The following MROH2A variants were observed in gnomAD, a reference collection of about 807,000 sequenced individuals.
MROH2A encodes maestro heat-like repeat-containing protein family member 2A.
A neutral mutation model predicts 200.4 loss-of-function variants in MROH2A; 174 were observed. The ratio of observed to expected loss-of-function variants is 0.87; its 90% CI spans 0.77 to 0.98. MROH2A has a LOEUF of 0.98. MROH2A is among the 50% of genes least tolerant of loss of function. The pLI, the probability that MROH2A is intolerant of heterozygous loss-of-function variation, is 0.00. For missense variants in MROH2A, 2,045 were observed against 2,139.6 expected (o/e 0.96, Z 0.87); for synonymous variants, 829 against 840.4 (o/e 0.99, Z 0.23).
At chr2:233,811,010 C>A in intron 23 of MROH2A, 94 bp downstream of exon 23, 2 of 1,397,060 alleles carry the variant, frequency 1.4e-6, no homozygotes, top group Non-Finnish European at 1.9e-6. Flanking sequence ...AGGGCATCTG[C>A]AGAGCTCTCT....
At chr2:233,832,480 T>C in intron 40 of MROH2A, 99 bp from the exon 41 acceptor site, 3 of 1,082,078 alleles carry the variant, frequency 2.8e-6, no homozygotes, top group South Asian at 1.4e-5. Flanking sequence ...ACAAAATCTT[T>C]CATCAATGCT....
chr2:233,777,276 C>CAAA (rs1700738243), upstream of MROH2A, among the ~76,000 whole-genome samples: 2 of 152,214 alleles, frequency 1.3e-5, no homozygotes, highest in Non-Finnish European at 2.9e-5. Context: ...ACCCTATATC[C>CAAA]ACTGCAGCAT....
In MROH2A at chr2:233,779,390, C is replaced by A. The variant is rs6431631; in HGVS notation, c.32C>A (p.Ala11Asp). 0.8 allele frequency: 1,234,698 copies of A among 1,547,914 alleles called. 493,683 individuals carry two copies. Among genetic ancestry groups the A allele is most frequent in the East Asian group, 0.89 (36,315 of 40,910 alleles). Residue 11 changes from alanine (A) to aspartate (D), a missense_variant, in exon 2 of 42, where the codon GCC becomes GAC. Around this residue, in one of 3 missense-constraint regions of MROH2A, gnomAD observed 831 missense variants for 800.0 expected, o/e 1.04. Transcript: ENST00000389758. Reference protein sequence around the residue: MTEAITEAAVASSEEVSEERD... With the variant: MTEAITEAAVDSSEEVSEERD... ...GAAGCCATTACAGAAGCAGCAGTAG[C>A]CTCAAGTGAGGAGGTGTCAGAGGAA...
At chr2:233,792,309 A>T (rs1575923871) in intron 5 of MROH2A, among the ~76,000 whole-genome samples, 2 of 143,948 alleles carry the variant, frequency 1.4e-5, no homozygotes, top group African/African-American at 2.6e-5. Flanking sequence ...ACCTGCTTCT[A>T]GCTCACTTTT....
intron 19 of MROH2A, among the ~76,000 whole-genome samples, chr2:233,805,536 T>G (rs886174320): frequency 6.6e-6 from 1 of 152,236 alleles, no homozygotes; most frequent in Non-Finnish European, 1.5e-5. Context: ...CTAGTTCTTT[T>G]TTTTGATCCT....
At position 233,807,914 on chromosome 2, in the gene MROH2A, A is replaced by G. The variant is rs1290981603; in HGVS notation, c.2295+59A>G. The stretch of plus-strand genomic sequence containing the variant: ...GATCTCTTAGCACAGTGCTCTGGGC[A>G]CTGACACAAAGTCCTTTCTAGATCT... On this transcript the variant is annotated intron_variant, in intron 21 of 41. Coordinates refer to ENST00000389758, the MANE Select transcript of MROH2A (RefSeq NM_001394639.1). This position sits in a 1 kb window ranked among gnomAD's most constrained non-coding sequence, Gnocchi z 4.3. 1.5e-5 allele frequency: 23 copies of G among 1,547,064 alleles called. No homozygotes were observed. Among genetic ancestry groups the G allele is most frequent in the Non-Finnish European group, 1.9e-5 (22 of 1,144,374 alleles).
intron 5 of MROH2A, among the ~76,000 whole-genome samples, chr2:233,791,468 G>T (rs1287673660): frequency 1.3e-5 from 2 of 152,210 alleles, no homozygotes; most frequent in Admixed American, 6.5e-5. Context: ...CATGCTGTGT[G>T]TGGAGCTCAT....
chr2:233,810,466 C>T (rs2126145022), intron 22 of MROH2A, among the ~76,000 whole-genome samples: 1 of 152,336 alleles, frequency 6.6e-6, no homozygotes, highest in South Asian at 2.1e-4. Flanking sequence ...TCAATTACCA[C>T]CCGCTGGGTC....
chr2:233,810,705 G>C lies in MROH2A; in HGVS notation c.2449-89G>C, dbSNP rs554389475. 254 of 1,487,574 alleles carry C rather than the reference G, an allele frequency of 1.7e-4. 1 individual carries two copies. In the African/African-American group the frequency reaches 3.1e-3, roughly 18 times the overall value. 92.1% of individuals were successfully genotyped at this position (1,487,574 alleles called of 1,614,324 possible). A position where few individuals can be genotyped will look rare whatever the true frequency, so the allele number is the denominator to read the frequency against. ...AACATTAAACGCTTTCTTCAGAGCAGAGGGAGTCCAGGAGCAGAAGCTGCA... is the reference window on the plus strand; with the variant it reads ...AACATTAAACGCTTTCTTCAGAGCACAGGGAGTCCAGGAGCAGAAGCTGCA... On this transcript the variant is annotated intron_variant, in intron 22 of 41. Transcript: ENST00000389758.
At chr2:233,819,242 G>C (rs1575997265) in intron 29 of MROH2A, 75 bp from the exon 30 acceptor site, 1 of 1,421,500 alleles carries the variant, frequency 7.0e-7, no homozygotes, top group East Asian at 2.5e-5. Flanking sequence ...CCATGGGGTG[G>C]GACAGGGGAG....
rs1235837861 is a variant in MROH2A at position 233,832,612 on chromosome 2, T to G, written c.4871T>G (p.Leu1624Arg). The change falls in exon 41 of 42, where the codon CTG becomes CGG. Residue 1624 changes from leucine (L) to arginine (R), a missense_variant. By Grantham distance (102) the Leu-to-Arg change is moderately radical. This residue lies in a region of MROH2A where 1,201 missense variants were observed against 1,311.3 expected (regional missense o/e 0.92). Transcript: ENST00000389758. ...ATGAAGCAGATGTCTACACATTATCTGAAAAAGCTGGACTTCCCAGCATTA... is the reference window on the plus strand; with the variant it reads ...ATGAAGCAGATGTCTACACATTATCGGAAAAAGCTGGACTTCCCAGCATTA... ...IIMKQMSTHY[L>R]KKLDFPALRN... is the part of the protein sequence containing the mutation. The G allele has an allele frequency of 1.4e-5, 22 of 1,549,920 alleles. No homozygotes were observed. The highest frequency in any genetic ancestry group is 1.8e-5 in the Non-Finnish European group (21 of 1,146,458).
chr2:233,816,934 GA>G, intron 27 of MROH2A, 49 bp downstream of exon 27: 1 of 1,138,956 alleles, frequency 8.8e-7, no homozygotes. Context: ...GACATGCACA[GA>G]AAAATTCCTG....
chr2:233,806,150 T>C (rs1040226134), intron 19 of MROH2A, among the ~76,000 whole-genome samples: 6 of 152,124 alleles, frequency 3.9e-5, no homozygotes, highest in Non-Finnish European at 5.9e-5. Flanking sequence ...TGTTCTTCCA[T>C]AACAGATCAA....
At chr2:233,802,667 A>G (rs1702545104) in intron 15 of MROH2A, among the ~76,000 whole-genome samples, 1 of 152,122 alleles carries the variant, frequency 6.6e-6, no homozygotes. Flanking sequence ...CAGCTAGAGT[A>G]ACTATAGGCA....
At chr2:233,776,217 G>A (rs113872622), upstream of MROH2A, among the ~76,000 whole-genome samples, 745 of 152,158 alleles carry the variant, frequency 4.9e-3, 5 homozygotes, top group African/African-American at 0.017. Context: ...CGAATAAAGC[G>A]TTTTCTTATT....
rs1255187194 is a variant in MROH2A, at chr2:233,816,653, T to C, written c.2857-128T>C. 5 of 585,806 alleles carry C rather than the reference T, an allele frequency of 8.5e-6. No homozygotes were observed. In the Admixed American group the frequency reaches 1.1e-4, roughly 13 times the overall value. 36.3% of individuals were successfully genotyped at this position (585,806 alleles called of 1,614,324 possible). A position where few individuals can be genotyped will look rare whatever the true frequency, so the allele number is the denominator to read the frequency against. On this transcript the variant is annotated intron_variant, in intron 26 of 41. Coordinates refer to ENST00000389758, the MANE Select transcript of MROH2A (RefSeq NM_001394639.1). The stretch of plus-strand genomic sequence containing the variant: ...CCTCATCTCCCTTCATGATGGGGCC[T>C]GTCTAGAACCACAAGGAAGCATTGA...
chr2:233,816,111 A>T (rs1703509492), intron 26 of MROH2A, among the ~76,000 whole-genome samples: 1 of 152,188 alleles, frequency 6.6e-6, no homozygotes. Context: ...CCCAGATACC[A>T]TCTATCTTGG....
intron 14 of MROH2A, 127 bp downstream of exon 14, chr2:233,800,442 T>C: frequency 3.2e-6 from 2 of 624,668 alleles, no homozygotes; most frequent in Admixed American, 3.3e-5. Context: ...GGGGCCTTCC[T>C]CTTCCAGTTG....
chr2:233,778,534 A>G (rs919354916), intron 1 of MROH2A, 53 bp downstream of exon 1: 2 of 168,788 alleles, frequency 1.2e-5, no homozygotes, highest in African/African-American at 4.8e-5. Flanking sequence ...AGGAAAAGAG[A>G]GTATGGGATA....
Sources: gnomAD v4.1 joint callset for allele counts (sites outside exome capture counted in the v4.1 genomes callset) on GRCh38, gnomAD v4.1.1 for gene constraint, gnomAD v4.1.1 regional missense constraint, Gnocchi (gnomAD v3.1) non-coding constraint, MANE v1.5 for transcripts, NCBI Gene and HGNC (gene_info 2026-07-23, HGNC 2026-07-21) for gene names.